Variants in HFM1 observed in about 807,000 individuals in gnomAD.
HFM1 encodes the protein helicase for meiosis 1, also known as probable ATP-dependent DNA helicase HFM1.
HFM1 carries 169 observed loss-of-function variants against 192.1 expected under a neutral mutation model. The ratio of observed to expected loss-of-function variants is 0.88; its 90% CI spans 0.78 to 1.00. The LOEUF (loss-of-function observed/expected upper bound fraction) is 1.00. Among genes scored for constraint, HFM1 ranks in the 50% least tolerant of loss-of-function variants. The pLI, the probability that HFM1 is intolerant of heterozygous loss-of-function variation, is 0.00. For synonymous variants in HFM1, 525 were observed against 537.8 expected (o/e 0.98, Z 0.33); for missense variants, 1,661 against 1,668.0 (o/e 1.00, Z 0.07).
intron 20 of HFM1, among the ~76,000 whole-genome samples, chr1:91,341,241 T>C (rs1222844687): frequency 2.0e-5 from 3 of 152,152 alleles, no homozygotes; most frequent in African/African-American, 7.2e-5. Context: ...GGCACATTCT[T>C]AGACCACAAT....
Position 91,375,510 on chromosome 1 carries a change from C to T in HFM1, c.1596+17G>A. ...AAAACTGAATATACTAAAAAATAAGCTATCAACAATCCATACCACAAGTGT... is the reference window on the plus strand; with the variant it reads ...AAAACTGAATATACTAAAAAATAAGTTATCAACAATCCATACCACAAGTGT... On this transcript the variant is annotated intron_variant, in intron 12 of 38. Coordinates refer to ENST00000370425, the MANE Select transcript of HFM1 (RefSeq NM_001017975.6). The T allele has an allele frequency of 4.3e-6, 7 of 1,611,116 alleles. No individual in the cohort carries two copies. Among genetic ancestry groups the T allele is most frequent in the Non-Finnish European group, 4.2e-6 (5 of 1,177,646 alleles).
chr1:91,290,191 A>C (rs1420408400), intron 30 of HFM1, among the ~76,000 whole-genome samples: 2 of 152,208 alleles, frequency 1.3e-5, no homozygotes, highest in Non-Finnish European at 2.9e-5. Flanking sequence ...ATCAAATTCA[A>C]ACACAACAAT....
At chr1:91,367,843 A>G (rs1197772690) in intron 13 of HFM1, among the ~76,000 whole-genome samples, 1 of 152,118 alleles carries the variant, frequency 6.6e-6, no homozygotes, top group African/African-American at 2.4e-5. Context: ...CAAAGAAGTT[A>G]AAAACCTTGA....
At chr1:91,308,066 A>G (rs1274579529) in intron 30 of HFM1, among the ~76,000 whole-genome samples, 5 of 152,140 alleles carry the variant, frequency 3.3e-5, no homozygotes, top group Admixed American at 3.3e-4. Context: ...CAATATGTCC[A>G]GGTGTGGTTT....
chr1:91,334,479 T>C (rs892041057), intron 20 of HFM1, among the ~76,000 whole-genome samples: 12 of 152,188 alleles, frequency 7.9e-5, no homozygotes, highest in East Asian at 1.9e-4. Flanking sequence ...ATTTGATTTA[T>C]AAAATAACAG....
chr1:91,366,546 T>C (rs1659337455), intron 13 of HFM1, among the ~76,000 whole-genome samples: 1 of 152,264 alleles, frequency 6.6e-6, no homozygotes, highest in Non-Finnish European at 1.5e-5. Flanking sequence ...AATCCCAGTT[T>C]ACCTTTATTC....
intron 20 of HFM1, 144 bp downstream of exon 20, chr1:91,343,286 T>C (rs1571024494): frequency 2.6e-6 from 1 of 390,772 alleles, no homozygotes; most frequent in Non-Finnish European, 4.8e-6. Flanking sequence ...AAATTTATCA[T>C]GCCTATGGCT....
rs535437774 is a variant in HFM1 at position 91,368,193 on chromosome 1, ACTT to A, written c.1685+7162_1685+7164del. 2.0e-3 allele frequency among the ~76,000 whole-genome samples: 302 copies of A among 152,368 alleles called. 2 individuals are homozygous for A. Among genetic ancestry groups the A allele is most frequent in the African/African-American group, 6.9e-3 (289 of 41,588 alleles). The stretch of plus-strand genomic sequence containing the variant: ...TCTCTGCAGGATATTATCCAGGAGA[ACTT>A]CTCCAATCTAGCAAGGCAGGCCAAC... On this transcript the variant is annotated intron_variant, in intron 13 of 38. Transcript: ENST00000370425.
chr1:91,355,222 T>C (rs1001057200), intron 13 of HFM1, among the ~76,000 whole-genome samples: 2 of 151,776 alleles, frequency 1.3e-5, no homozygotes, highest in African/African-American at 4.8e-5. Context: ...AAGATACAGA[T>C]GAGAAAGAGA....
intron 11 of HFM1, chr1:91,377,818 G>A: frequency 1.8e-6 from 1 of 554,262 alleles, no homozygotes; most frequent in South Asian, 2.4e-5. Flanking sequence ...ATGTCCACAT[G>A]TCCACAAAAA....
chr1:91,323,154 T>C lies in HFM1; in HGVS notation c.2473A>G (p.Arg825Gly). 1 of 1,595,772 alleles carries C rather than the reference T, an allele frequency of 6.3e-7. No homozygotes were observed. Among genetic ancestry groups the C allele is most frequent in the Non-Finnish European group, 8.6e-7 (1 of 1,165,978 alleles). Residue 825 changes from arginine to glycine, a missense_variant, in exon 22 of 39, where the codon AGG becomes GGG. Arg to Gly is a moderately radical substitution (Grantham distance 125). Transcript: ENST00000370425. ...GCKEFLDIQL[R>G]INEKKTLNTL... is the part of the protein sequence containing the mutation. ...TTCAGTGTTTTCTTTTCATTTATCC[T>C]TAACTGTATATCTAGAAATTCCTTG...
At chr1:91,343,652 G>C (rs537518389) in intron 19 of HFM1, 142 bp from the exon 20 acceptor site, 1 of 391,222 alleles carries the variant, frequency 2.6e-6, no homozygotes, top group African/African-American at 2.1e-5. Flanking sequence ...AGCAGTAAGA[G>C]AAAGCTCATT....
rs988602589 is a variant in HFM1, at chr1:91,390,691, G to A, written c.494+3402C>T. ...CTGGAAGCATTCCCTTTGAAAACTGGCACAAGACAGGGATGCCCTCTCTCA... is the reference window on the plus strand; with the variant it reads ...CTGGAAGCATTCCCTTTGAAAACTGACACAAGACAGGGATGCCCTCTCTCA... On this transcript the variant is annotated intron_variant, in intron 4 of 38. Transcript: ENST00000370425. Among the ~76,000 whole-genome samples the A allele has an allele frequency of 2.6e-5, 4 of 152,216 alleles. No individual in the cohort carries two copies. The East Asian group carries it at 5.8e-4, about 22-fold the overall frequency.
chr1:91,394,141 A>G lies in HFM1; in HGVS notation c.446T>C (p.Val149Ala). The G allele has an allele frequency of 1.9e-6, 3 of 1,605,396 alleles. No individual in the cohort carries two copies. The highest frequency in any genetic ancestry group is 2.6e-6 in the Non-Finnish European group (3 of 1,173,770). ...EKSVPDDTKL[V>A]NFAEDKGEST... The stretch of plus-strand genomic sequence containing the variant: ...CTCTCCTTTATCTTCTGCAAAATTA[A>G]CTAATTTTGTATCATCAGGAACACT... Residue 149 changes from valine (V) to alanine (A), a missense_variant, in exon 4 of 39, where the codon GTT (valine) becomes GCT (alanine). Transcript: ENST00000370425.
Position 91,343,450 on chromosome 1 carries a change from C to G in HFM1, c.2315G>C (p.Gly772Ala), listed in dbSNP as rs369106562. The G allele has an allele frequency of 3.5e-6, 5 of 1,429,434 alleles. No homozygotes were observed. Among genetic ancestry groups the G allele is most frequent in the Non-Finnish European group, 4.8e-6 (5 of 1,038,674 alleles). 88.5% of individuals were successfully genotyped at this position (1,429,434 alleles called of 1,614,324 possible). A position where few individuals can be genotyped will look rare whatever the true frequency, so the allele number is the denominator to read the frequency against. The change falls in exon 20 of 39, where the codon GGT becomes GCT. Residue 772 changes from glycine to alanine, a missense_variant. Gly to Ala is a moderately conservative substitution (Grantham distance 60). Transcript: ENST00000370425. ...ATTACCAGTTGGTTTGAAATTAACA[C>G]CTTCATCCATCTTTATTAAGTCCAG... Reference protein sequence around the residue: ...SSLDLIKMDEGVNFKPTEAGR... With the variant: ...SSLDLIKMDEAVNFKPTEAGR...
At chr1:91,268,992 A>AT (rs1469168406) in intron 34 of HFM1, among the ~76,000 whole-genome samples, 2 of 152,126 alleles carry the variant, frequency 1.3e-5, no homozygotes, top group Admixed American at 6.6e-5. Flanking sequence ...TATTCTCTCA[A>AT]TTTTTTGTGT....
rs1432657271 is a variant in HFM1 at position 91,379,998 on chromosome 1, G to T, written c.1006+106C>A. On this transcript the variant is annotated intron_variant, in intron 8 of 38. Transcript: ENST00000370425. ...GACCAGACTTTACTAGAAATATATA[G>T]AAAATCAAGTAATTCCTGAGGCCAG... The T allele has an allele frequency of 6.1e-6, 3 of 493,846 alleles. No homozygotes were observed. In the East Asian group the frequency reaches 1.0e-4, roughly 17 times the overall value. The allele number at this position is 493,846 out of a possible 1,614,324, so 30.6% of individuals were successfully genotyped here. A position where few individuals can be genotyped will look rare whatever the true frequency, so the allele number is the denominator to read the frequency against.
At chr1:91,396,232 T>TA (rs964289469) in intron 3 of HFM1, 61 bp downstream of exon 3, 11 of 774,488 alleles carry the variant, frequency 1.4e-5, no homozygotes, top group African/African-American at 1.4e-4. Flanking sequence ...CAGGGTTTTT[T>TA]AAAAAAATAT....
intron 34 of HFM1, among the ~76,000 whole-genome samples, chr1:91,268,213 T>A (rs996275965): frequency 6.6e-5 from 10 of 152,050 alleles, no homozygotes; most frequent in Non-Finnish European, 1.3e-4. Context: ...AATTAATTTT[T>A]CCTCTTAATT....
Sources: allele counts gnomAD v4.1 joint callset (sites outside exome capture counted in the v4.1 genomes callset), GRCh38; gene constraint gnomAD v4.1.1; transcripts MANE v1.5; gene names NCBI Gene and HGNC (gene_info 2026-07-23, HGNC 2026-07-21).